Variants in KCNJ6 observed in about 807,000 individuals in gnomAD.
KCNJ6 encodes G protein-activated inward rectifier potassium channel 2.
A neutral mutation model predicts 34.2 loss-of-function variants in KCNJ6; 9 were observed. The ratio of observed to expected loss-of-function variants is 0.26; its 90% CI spans 0.16 to 0.46. The LOEUF is 0.46. Ranked by LOEUF, KCNJ6 falls within the 20% of genes least tolerant of loss-of-function variation. The pLI is 1.00. For missense variants in KCNJ6, 236 were observed against 531.3 expected (o/e 0.44, Z 5.46); for synonymous variants, 196 against 207.1 (o/e 0.95, Z 0.46).
rs117722954 is a variant in KCNJ6, at chr21:37,635,736, C to T, written c.947-10252G>A. Reference sequence around the variant, plus strand: ...TTTGCCATGTTGCCCAGGCTGGTCACGAGTTTCCAAGCTCAATTGATCTGT... The same window carrying T: ...TTTGCCATGTTGCCCAGGCTGGTCATGAGTTTCCAAGCTCAATTGATCTGT... On this transcript the variant is annotated intron_variant, in intron 3 of 3. Coordinates refer to ENST00000609713, the MANE Select transcript of KCNJ6 (RefSeq NM_002240.5). 1.3e-4 allele frequency among the ~76,000 whole-genome samples: 20 copies of T among 152,174 alleles called. No individual in the cohort carries two copies. The East Asian group carries it at 1.4e-3, about 10-fold the overall frequency.
At chr21:37,678,177 T>C (rs183122028) in intron 3 of KCNJ6, among the ~76,000 whole-genome samples, 165 of 152,194 alleles carry the variant, frequency 1.1e-3, no homozygotes, top group Non-Finnish European at 1.7e-3. Flanking sequence ...CCTTGAAGGA[T>C]AAATGCAGGG....
intron 2 of KCNJ6, among the ~76,000 whole-genome samples, chr21:37,722,424 G>T (rs945093774): frequency 2.0e-5 from 3 of 152,166 alleles, no homozygotes; most frequent in African/African-American, 7.2e-5. Flanking sequence ...ATTTTTCACA[G>T]ATTTATAAAA....
At chr21:37,761,338 GTA>G (rs1224037833) in intron 2 of KCNJ6, among the ~76,000 whole-genome samples, 2 of 149,864 alleles carry the variant, frequency 1.3e-5, no homozygotes, top group Non-Finnish European at 3.0e-5. Flanking sequence ...ATTAGTGTGT[GTA>G]TATTTGTGTG....
At chr21:37,720,445 G>A (rs1303229121) in intron 2 of KCNJ6, among the ~76,000 whole-genome samples, 3 of 149,928 alleles carry the variant, frequency 2.0e-5, no homozygotes, top group Admixed American at 6.7e-5. Context: ...AACTTGAGGA[G>A]TGAAACCTAT....
At chr21:37,818,095 C>G (rs958012305) in intron 2 of KCNJ6, among the ~76,000 whole-genome samples, 5 of 152,178 alleles carry the variant, frequency 3.3e-5, no homozygotes, top group Non-Finnish European at 7.3e-5. Flanking sequence ...TCTCTGCCCC[C>G]AAACATTCCC....
intron 3 of KCNJ6, among the ~76,000 whole-genome samples, chr21:37,652,998 G>A (rs2248740): frequency 0.14 from 21,804 of 152,134 alleles, 2,394 homozygotes; most frequent in African/African-American, 0.3. Flanking sequence ...ACTGGGCAGC[G>A]TTGAAGGTCC....
chr21:37,853,788 A>G (rs2055548895), intron 1 of KCNJ6, among the ~76,000 whole-genome samples: 1 of 147,224 alleles, frequency 6.8e-6, no homozygotes, highest in African/African-American at 2.5e-5. Flanking sequence ...TAAGATTTCT[A>G]TGTTTCCCTT....
chr21:37,649,141 A>AC (rs2054420012), intron 3 of KCNJ6, among the ~76,000 whole-genome samples: 1 of 149,188 alleles, frequency 6.7e-6, no homozygotes, highest in Admixed American at 6.7e-5. Context: ...TCAAAAAAAA[A>AC]AAAAAAAAAA....
chr21:37,916,402 C>G lies in KCNJ6; in HGVS notation c.-546G>C, dbSNP rs2123659494. On this transcript the variant is annotated 5_prime_UTR_variant, in exon 1 of 4. Transcript: ENST00000609713. ...TCAATGAATGCTACTCAATTCCAGCCGACTGGCTGAGCCCCGCTGGCAGCG... is the reference window on the plus strand; with the variant it reads ...TCAATGAATGCTACTCAATTCCAGCGGACTGGCTGAGCCCCGCTGGCAGCG... 1 of 152,284 alleles carries G rather than the reference C, an allele frequency of 6.6e-6. No homozygotes were observed. The highest frequency in any genetic ancestry group is 2.4e-5 in the African/African-American group (1 of 41,560). The allele number at this position is 152,284 out of a possible 1,614,324, so 9.4% of individuals were successfully genotyped here.
chr21:37,776,280 A>G (rs1199937889), intron 2 of KCNJ6, among the ~76,000 whole-genome samples: 1 of 152,230 alleles, frequency 6.6e-6, no homozygotes, highest in Admixed American at 6.5e-5. Flanking sequence ...ATATACAATC[A>G]TGTCATCTGC....
intron 2 of KCNJ6, among the ~76,000 whole-genome samples, chr21:37,729,471 G>T (rs555840869): frequency 2.6e-5 from 4 of 152,028 alleles, no homozygotes; most frequent in African/African-American, 9.7e-5. Flanking sequence ...CTATAGGCAC[G>T]GGCCACCATG....
At chr21:37,693,928 T>G (rs1051483133) in intron 3 of KCNJ6, among the ~76,000 whole-genome samples, 16 of 124,750 alleles carry the variant, frequency 1.3e-4, no homozygotes, top group African/African-American at 5.4e-4. Context: ...ATTTACCATT[T>G]TTTTTTTAAA....
chr21:37,662,588 G>T (rs942822579), intron 3 of KCNJ6, among the ~76,000 whole-genome samples: 2 of 152,094 alleles, frequency 1.3e-5, no homozygotes, highest in Non-Finnish European at 2.9e-5. Context: ...ATGTATCTTT[G>T]TAATAGAATG....
intron 3 of KCNJ6, among the ~76,000 whole-genome samples, chr21:37,712,014 C>G (rs746332016): frequency 6.6e-6 from 1 of 152,166 alleles, no homozygotes; most frequent in Non-Finnish European, 1.5e-5. Flanking sequence ...AAGGCTCACT[C>G]ATTACCAGCT....
chr21:37,636,526 C>T (rs1346149927), intron 3 of KCNJ6, among the ~76,000 whole-genome samples: 1 of 152,204 alleles, frequency 6.6e-6, no homozygotes, highest in Non-Finnish European at 1.5e-5. Flanking sequence ...GACATGCATG[C>T]AAACAACCTG....
intron 2 of KCNJ6, among the ~76,000 whole-genome samples, chr21:37,748,664 TC>T (rs1195572968): frequency 6.6e-6 from 1 of 152,198 alleles, no homozygotes; most frequent in East Asian, 1.9e-4. Context: ...CTTCCGCTTC[TC>T]CCCTTGGCTC....
At chr21:37,678,634 G>A (rs1250493108) in intron 3 of KCNJ6, among the ~76,000 whole-genome samples, 2 of 152,202 alleles carry the variant, frequency 1.3e-5, no homozygotes, top group Non-Finnish European at 2.9e-5. Context: ...ATGTATGGGT[G>A]GGTGGATGGA....
chr21:37,711,797 A>ACC (rs369492998), intron 3 of KCNJ6, among the ~76,000 whole-genome samples: 28,191 of 141,628 alleles, frequency 0.2, 2,968 homozygotes, highest in African/African-American at 0.28. Flanking sequence ...ACTTTCTAGA[A>ACC]CCCCCCCCCC....
intron 3 of KCNJ6, among the ~76,000 whole-genome samples, chr21:37,629,467 G>A (rs1028727448): frequency 1.3e-5 from 2 of 152,060 alleles, no homozygotes; most frequent in Non-Finnish European, 2.9e-5. Context: ...TGTTTGAGAT[G>A]GGATCTTTAA....
Sources: allele counts gnomAD v4.1 joint callset (sites outside exome capture counted in the v4.1 genomes callset), GRCh38; gene constraint gnomAD v4.1.1; transcripts MANE v1.5; gene names NCBI Gene and HGNC (gene_info 2026-07-23, HGNC 2026-07-21).